IMPG2: variants seen among roughly 807,000 people sequenced by gnomAD.
The protein encoded by IMPG2 is IPM 200.
IMPG2 carries 91 observed loss-of-function variants against 129.2 expected under a neutral mutation model. The ratio of observed to expected loss-of-function variants is 0.70; its 90% confidence interval spans 0.59 to 0.84. The LOEUF is 0.84. IMPG2 is among the 40% of genes least tolerant of loss of function. The probability of loss-of-function intolerance (pLI) is 0.00; values close to 1 mark genes in which losing one functional copy is unlikely to be tolerated. For missense variants in IMPG2, 1,430 were observed against 1,461.7 expected, an observed-to-expected ratio of 0.98 and a Z score of 0.35; for synonymous variants, 510 against 517.7, an observed-to-expected ratio of 0.99 and a Z score of 0.20.
At chr3:101,241,162 C>A (rs1403275587) in intron 14 of IMPG2, among the ~76,000 whole-genome samples, 2 of 152,158 alleles carry the variant, frequency 1.3e-5, no homozygotes, top group East Asian at 3.9e-4. Context: ...AGCCATTAAG[C>A]AACTATGCAC....
rs1327610444 is a variant in IMPG2 at position 101,244,638 on chromosome 3, T to A, written c.1693A>T (p.Ile565Leu). Residue 565 changes from isoleucine (I) to leucine (L), a missense_variant, in exon 13 of 19, where the codon ATA becomes TTA. Physicochemically the swap from Ile to Leu is conservative, Grantham distance 5. Transcript: ENST00000193391. ...LTSSPYLTSS[I>L]PFGLDSLTSK... Reference sequence around the variant, plus strand: ...GTCAAGGAGTCCAAGCCAAAAGGTATAGAAGAGGTCAGATATGGTGAAGAT... The same window carrying A: ...GTCAAGGAGTCCAAGCCAAAAGGTAAAGAAGAGGTCAGATATGGTGAAGAT... 1.9e-6 allele frequency: 3 copies of A among 1,612,756 alleles called. No individual in the cohort carries two copies. Among genetic ancestry groups the A allele is most frequent in the Non-Finnish European group, 2.5e-6 (3 of 1,179,422 alleles).
At position 101,320,359 on chromosome 3, in the gene IMPG2, G is replaced by A. The variant is rs2058805423; in HGVS notation, c.14C>T (p.Pro5Leu). The change falls in exon 1 of 19, where the codon CCT becomes CTT. Residue 5 changes from proline (P) to leucine (L), a missense_variant. Coordinates refer to ENST00000193391, the MANE Select transcript of IMPG2 (RefSeq NM_016247.4). Reference protein sequence around the residue: MIMFPLFGKISLGIL... With the variant: MIMFLLFGKISLGIL... ...ACCCAGAGAAATCTTCCCAAAAAGA[G>A]GAAACATAATCATTTGGGCCAAAAC... The A allele has an allele frequency of 6.2e-7, 1 of 1,606,954 alleles. No homozygotes were observed. Among genetic ancestry groups the A allele is most frequent in the Admixed American group, 1.7e-5 (1 of 59,732 alleles).
chr3:101,288,649 T>C (rs1706972193), intron 4 of IMPG2, among the ~76,000 whole-genome samples: 1 of 152,054 alleles, frequency 6.6e-6, no homozygotes, highest in Non-Finnish European at 1.5e-5. Flanking sequence ...GAGGTAAACA[T>C]TGAGCATATA....
At chr3:101,268,004 A>G (rs1706739933) in intron 8 of IMPG2, among the ~76,000 whole-genome samples, 1 of 152,172 alleles carries the variant, frequency 6.6e-6, no homozygotes, top group African/African-American at 2.4e-5. Context: ...CAGATGCTTA[A>G]ATAGAACTTT....
At chr3:101,303,286 T>C (rs1707156801) in intron 3 of IMPG2, among the ~76,000 whole-genome samples, 1 of 152,212 alleles carries the variant, frequency 6.6e-6, no homozygotes, top group Non-Finnish European at 1.5e-5. Context: ...AATGACATAA[T>C]CCTTGCCTTT....
intron 18 of IMPG2, among the ~76,000 whole-genome samples, chr3:101,228,220 T>C (rs1706244606): frequency 6.6e-6 from 1 of 151,972 alleles, no homozygotes; most frequent in African/African-American, 2.4e-5. Flanking sequence ...GAAAAGCAAA[T>C]GGGAAAATTA....
chr3:101,272,385 G>A (rs1706795261), intron 7 of IMPG2, among the ~76,000 whole-genome samples: 1 of 152,154 alleles, frequency 6.6e-6, no homozygotes, highest in African/African-American at 2.4e-5. Flanking sequence ...ATAGGCCAGA[G>A]AAGGAGGTCT....
intron 14 of IMPG2, 70 bp downstream of exon 14, chr3:101,242,618 T>G (rs1212961288): frequency 1.7e-6 from 2 of 1,152,614 alleles, no homozygotes; most frequent in Non-Finnish European, 2.6e-6. Context: ...CTTAATGCAA[T>G]GAGGAAGAAA....
chr3:101,264,415 A>G (rs1034967933), intron 9 of IMPG2, among the ~76,000 whole-genome samples: 1 of 152,064 alleles, frequency 6.6e-6, no homozygotes, highest in African/African-American at 2.4e-5. Flanking sequence ...ATCAATAAGG[A>G]TGATACATCA....
intron 2 of IMPG2, among the ~76,000 whole-genome samples, chr3:101,312,179 T>C (rs980205521): frequency 6.6e-6 from 1 of 152,020 alleles, no homozygotes; most frequent in Admixed American, 6.6e-5. Flanking sequence ...AATAGATAAA[T>C]TGGACTTCAT....
In IMPG2 at chr3:101,224,057, A is replaced by G. The variant is rs1460444880; in HGVS notation, c.*2912T>C. ...CTACTCAGGAAGCTGAAGCACGAGA[A>G]TCGCTTGAACCCAGGAGGCAGAGGT... On this transcript the variant is annotated 3_prime_UTR_variant, in exon 19 of 19. Transcript: ENST00000193391. 1 of 152,308 alleles carries G rather than the reference A, an allele frequency of 6.6e-6. No individual in the cohort carries two copies. The highest frequency in any genetic ancestry group is 1.9e-4 in the East Asian group (1 of 5,184). 9.4% of individuals were successfully genotyped at this position (152,308 alleles called of 1,614,324 possible). A position where few individuals can be genotyped will look rare whatever the true frequency, so the allele number is the denominator to read the frequency against.
chr3:101,243,926 G>T lies in IMPG2; in HGVS notation c.2405C>A (p.Pro802Gln), dbSNP rs1236715839. ...TAACCAGAGCCTGTCAGCACTCTGT[G>T]GTGTACTTGCCAATATGTCTCTGGA... The part of the protein sequence containing the change: ...KLSRDILAST[P>Q]QSADRLWLSV... Residue 802 changes from proline (P) to glutamine (Q), a missense_variant, in exon 13 of 19, where the codon CCA becomes CAA. Physicochemically the swap from Pro to Gln is moderately conservative, Grantham distance 76. Transcript: ENST00000193391. The T allele has an allele frequency of 6.2e-7, 1 of 1,614,166 alleles. No homozygotes were observed. Among genetic ancestry groups the T allele is most frequent in the Non-Finnish European group, 8.5e-7 (1 of 1,180,024 alleles).
At chr3:101,232,239 T>C (rs1462841580) in intron 15 of IMPG2, among the ~76,000 whole-genome samples, 1 of 151,462 alleles carries the variant, frequency 6.6e-6, no homozygotes, top group Non-Finnish European at 1.5e-5. Flanking sequence ...TTTTTATTTA[T>C]TTTTTATTTT....
At chr3:101,305,828 C>T (rs1428179215) in intron 2 of IMPG2, among the ~76,000 whole-genome samples, 2 of 152,078 alleles carry the variant, frequency 1.3e-5, no homozygotes, top group African/African-American at 4.8e-5. Flanking sequence ...TATCTCTGTG[C>T]TTTTTGTATA....
intron 9 of IMPG2, among the ~76,000 whole-genome samples, chr3:101,261,545 AT>A (rs1706670064): frequency 6.6e-6 from 1 of 152,194 alleles, no homozygotes; most frequent in Non-Finnish European, 1.5e-5. Flanking sequence ...GGACATCTAA[AT>A]ATAATACTTC....
intron 6 of IMPG2, among the ~76,000 whole-genome samples, chr3:101,274,916 T>C (rs1209530891): frequency 6.6e-6 from 1 of 152,140 alleles, no homozygotes; most frequent in Non-Finnish European, 1.5e-5. Context: ...ACCAGCCTTG[T>C]TCAGTGACAG....
chr3:101,312,697 T>C (rs1446748423), intron 2 of IMPG2, among the ~76,000 whole-genome samples: 1 of 151,980 alleles, frequency 6.6e-6, no homozygotes, highest in Non-Finnish European at 1.5e-5. Context: ...ACAATGTAAA[T>C]GCCCATTGAC....
chr3:101,310,303 T>C (rs1385786042), intron 2 of IMPG2, among the ~76,000 whole-genome samples: 1 of 152,192 alleles, frequency 6.6e-6, no homozygotes, highest in Admixed American at 6.5e-5. Context: ...GGCTCACACC[T>C]GTAATCCCAG....
At chr3:101,235,722 G>A (rs1478938037) in intron 14 of IMPG2, among the ~76,000 whole-genome samples, 2 of 152,176 alleles carry the variant, frequency 1.3e-5, no homozygotes, top group Non-Finnish European at 2.9e-5. Context: ...TTCTATTGGG[G>A]AAACAAAGGT....
Sources: gnomAD v4.1 joint callset for allele counts (sites outside exome capture counted in the v4.1 genomes callset) on GRCh38, gnomAD v4.1.1 for gene constraint, MANE v1.5 for transcripts, NCBI Gene and HGNC (gene_info 2026-07-23, HGNC 2026-07-21) for gene names.